VSIG10: variants seen among roughly 807,000 people sequenced by gnomAD.
The protein encoded by VSIG10 is V-set and immunoglobulin domain containing 10.
VSIG10 carries 48 observed loss-of-function variants against 58.7 expected under a neutral mutation model. The ratio of observed to expected loss-of-function variants is 0.82; its 90% CI spans 0.65 to 1.04. VSIG10 has a LOEUF of 1.04. Ranked by LOEUF, VSIG10 falls within the 50% of genes least tolerant of loss-of-function variation. The pLI is 0.00. For missense variants in VSIG10, 628 were observed against 670.0 expected, an observed-to-expected ratio of 0.94 and a Z score of 0.69; for synonymous variants, 260 against 267.1, an observed-to-expected ratio of 0.97 and a Z score of 0.26.
Position 118,103,785 on chromosome 12 carries a change from G to A in VSIG10, c.-114C>T, listed in dbSNP as rs1472112617. On this transcript the variant is annotated 5_prime_UTR_variant, in exon 1 of 9. Transcript: ENST00000359236. ...CTCCTCCCAGGTCCTCGGAACGGCAGAGTGGCCCCACTTCCTCGGCCCCCA... is the reference window on the plus strand; with the variant it reads ...CTCCTCCCAGGTCCTCGGAACGGCAAAGTGGCCCCACTTCCTCGGCCCCCA... 1 of 1,036,992 alleles carries A rather than the reference G, an allele frequency of 9.6e-7. No homozygotes were observed. The highest frequency in any genetic ancestry group is 1.7e-5 in the African/African-American group (1 of 59,034). The allele number at this position is 1,036,992 out of a possible 1,614,324, so 64.2% of individuals were successfully genotyped here.
In VSIG10 at chr12:118,087,863, GA is replaced by G. The variant is rs2033175988; in HGVS notation, c.362-5435del. On this transcript the variant is annotated intron_variant, in intron 2 of 8. Coordinates refer to ENST00000359236, the MANE Select transcript of VSIG10 (RefSeq NM_019086.6). ...AAAAAAAAAAAAAAAAAAAGAGAGAGAAGGAGGTAATGTGACTCAGCTAGCA... is the reference window on the plus strand; with the variant it reads ...AAAAAAAAAAAAAAAAAAAGAGAGAGAGGAGGTAATGTGACTCAGCTAGCA... Among the ~76,000 whole-genome samples the G allele has an allele frequency of 4.5e-5, 4 of 88,284 alleles. No individual in the cohort carries two copies. The Admixed American group carries it at 5.2e-4, about 11-fold the overall frequency. The allele number at this position is 88,284 out of a possible 152,430, so 57.9% of individuals were successfully genotyped here. A position where few individuals can be genotyped will look rare whatever the true frequency, so the allele number is the denominator to read the frequency against.
chr12:118,100,666 T>A (rs1018530217), intron 1 of VSIG10, among the ~76,000 whole-genome samples: 1 of 152,116 alleles, frequency 6.6e-6, no homozygotes, highest in Non-Finnish European at 1.5e-5. Context: ...GTAGCTGGGA[T>A]TACAGGCACC....
intron 2 of VSIG10, among the ~76,000 whole-genome samples, chr12:118,086,409 C>G (rs2033128167): frequency 6.6e-6 from 1 of 151,866 alleles, no homozygotes; most frequent in Non-Finnish European, 1.5e-5. Flanking sequence ...CAGAGGCTGC[C>G]ATGAGCCGAG....
intron 4 of VSIG10, among the ~76,000 whole-genome samples, chr12:118,075,149 T>C (rs1231092624): frequency 8.6e-6 from 1 of 116,016 alleles, no homozygotes; most frequent in Non-Finnish European, 1.7e-5. Context: ...TATATGTGTA[T>C]ATGTATATAT....
intron 4 of VSIG10, among the ~76,000 whole-genome samples, chr12:118,074,530 G>A (rs2032634780): frequency 6.6e-6 from 1 of 151,278 alleles, no homozygotes; most frequent in South Asian, 2.1e-4. Context: ...CCAGGCTGGA[G>A]TGCAGTGATG....
chr12:118,082,324 C>G lies in VSIG10; in HGVS notation c.467G>C (p.Ser156Thr), dbSNP rs371258481. The G allele has an allele frequency of 2.5e-6, 4 of 1,613,874 alleles. No individual in the cohort carries two copies. The highest frequency in any genetic ancestry group is 3.4e-6 in the Non-Finnish European group (4 of 1,179,912). ...TTCAACCACGGGTGGTGGCCTGGAG[C>G]TGCTGTTGCAGCTGAAGTCCACCTG... Reference protein sequence around the residue: ...GSQVDFSCNSSSRPPPVVEWW... With the variant: ...GSQVDFSCNSTSRPPPVVEWW... Residue 156 changes from serine to threonine, a missense_variant, in exon 3 of 9, where the codon AGC becomes ACC. Transcript: ENST00000359236.
chr12:118,068,407 G>C lies in VSIG10; in HGVS notation c.1537C>G (p.Gln513Glu). ...AGATCCTGGAATCCATTTCCCATCTGTTCTATGTTCCCATTCACCAAGGCG... is the reference window on the plus strand; with the variant it reads ...AGATCCTGGAATCCATTTCCCATCTCTTCTATGTTCCCATTCACCAAGGCG... ...VTALVNGNIE[Q>E]MGNGFQDLQD... Residue 513 changes from glutamine (Q) to glutamate (E), a missense_variant, in exon 8 of 9, where the codon CAG becomes GAG. Physicochemically the swap from Gln to Glu is conservative, Grantham distance 29. Transcript: ENST00000359236. The C allele has an allele frequency of 2.5e-6, 4 of 1,613,690 alleles. No homozygotes were observed. The highest frequency in any genetic ancestry group is 3.4e-6 in the Non-Finnish European group (4 of 1,179,830).
chr12:118,069,422 CTTCT>C (rs1459943117), intron 7 of VSIG10, among the ~76,000 whole-genome samples: 125 of 111,626 alleles, frequency 1.1e-3, no homozygotes, highest in South Asian at 3.9e-3. Context: ...TCTTCTTCTT[CTTCT>C]TTTTTTTTTT....
intron 4 of VSIG10, among the ~76,000 whole-genome samples, chr12:118,078,430 A>G (rs1002875771): frequency 4.6e-5 from 7 of 152,078 alleles, no homozygotes; most frequent in Non-Finnish European, 1.0e-4. Context: ...AAGTGCTGAG[A>G]TTACAGGTGT....
intron 2 of VSIG10, 109 bp from the exon 3 acceptor site, chr12:118,082,538 GTATC>G (rs1300320935): frequency 1.8e-6 from 2 of 1,120,120 alleles, no homozygotes; most frequent in Non-Finnish European, 2.5e-6. Flanking sequence ...GAAGAGTATG[GTATC>G]TATCTAATAC....
chr12:118,073,174 A>C (rs983821820), intron 5 of VSIG10, among the ~76,000 whole-genome samples: 2 of 152,000 alleles, frequency 1.3e-5, no homozygotes, highest in African/African-American at 2.4e-5. Flanking sequence ...TGATCTGCCC[A>C]TCTCAGCCTC....
In VSIG10 at chr12:118,103,684, C is replaced by G. The variant is rs549230321; in HGVS notation, c.-13G>C. 3.8e-5 allele frequency: 56 copies of G among 1,481,892 alleles called. No individual in the cohort carries two copies. The highest frequency in any genetic ancestry group is 4.4e-5 in the Non-Finnish European group (49 of 1,120,886). 91.8% of individuals were successfully genotyped at this position (1,481,892 alleles called of 1,614,324 possible). A position where few individuals can be genotyped will look rare whatever the true frequency, so the allele number is the denominator to read the frequency against. On this transcript the variant is annotated 5_prime_UTR_variant, in exon 1 of 9. Transcript: ENST00000359236. ...CGCCTGCGGCCATCTCGCCCCAGAT[C>G]CCGGCTCAGGAAACGCAGGCTCGGG...
intron 2 of VSIG10, among the ~76,000 whole-genome samples, chr12:118,090,199 G>T (rs2033252131): frequency 6.6e-6 from 1 of 152,124 alleles, no homozygotes; most frequent in South Asian, 2.1e-4. Flanking sequence ...CAGCTACCCG[G>T]GAGGCTGAGG....
intron 3 of VSIG10, among the ~76,000 whole-genome samples, chr12:118,080,908 G>C (rs370645469): frequency 6.6e-6 from 1 of 152,082 alleles, no homozygotes; most frequent in African/African-American, 2.4e-5. Context: ...TGGGTACAGG[G>C]TTATTTGGGA....
chr12:118,098,926 G>GA (rs1282525845), intron 1 of VSIG10, among the ~76,000 whole-genome samples: 3 of 150,290 alleles, frequency 2.0e-5, no homozygotes, highest in Non-Finnish European at 4.5e-5. Flanking sequence ...ATGGGGGTTG[G>GA]GGGGGGTCTC....
rs1034314942 is a variant in VSIG10 at position 118,063,927 on chromosome 12, G to A, written c.*2712C>T. The A allele has an allele frequency of 1.3e-5, 2 of 152,160 alleles. No homozygotes were observed. The highest frequency in any genetic ancestry group is 4.8e-5 in the African/African-American group (2 of 41,442). 9.4% of individuals were successfully genotyped at this position (152,160 alleles called of 1,614,324 possible). ...CTAATATCAAAGCCACAGAATTGTGGAGGCCCCCTTCCCAGGCTCCACCAG... is the reference window on the plus strand; with the variant it reads ...CTAATATCAAAGCCACAGAATTGTGAAGGCCCCCTTCCCAGGCTCCACCAG... On this transcript the variant is annotated 3_prime_UTR_variant, in exon 9 of 9. Coordinates refer to ENST00000359236, the MANE Select transcript of VSIG10 (RefSeq NM_019086.6).
At chr12:118,082,473 G>C in intron 2 of VSIG10, 44 bp from the exon 3 acceptor site, 1 of 1,557,452 alleles carries the variant, frequency 6.4e-7, no homozygotes, top group Non-Finnish European at 8.7e-7. Flanking sequence ...TTATGTAAGA[G>C]CTCATTCGAT....
chr12:118,070,368 T>C (rs1272033789), intron 7 of VSIG10, among the ~76,000 whole-genome samples: 1 of 151,836 alleles, frequency 6.6e-6, no homozygotes. Context: ...GGCAACATGG[T>C]GAAACCCTGT....
At chr12:118,090,247 G>A (rs1303837156) in intron 2 of VSIG10, among the ~76,000 whole-genome samples, 1 of 152,198 alleles carries the variant, frequency 6.6e-6, no homozygotes, top group Admixed American at 6.5e-5. Context: ...GGAGGTGGTT[G>A]TGAGCCGAGA....
Sources: gnomAD v4.1 joint callset for allele counts (sites outside exome capture counted in the v4.1 genomes callset) on GRCh38, gnomAD v4.1.1 for gene constraint, MANE v1.5 for transcripts, NCBI Gene and HGNC (gene_info 2026-07-23, HGNC 2026-07-21) for gene names.